C12orf56: variants seen among roughly 807,000 people sequenced by gnomAD.
C12orf56 encodes chromosome 12 open reading frame 56, also known as uncharacterized protein C12orf56.
In C12orf56, 71 loss-of-function variants were observed where a neutral mutation model predicts 69.9. The ratio of observed to expected loss-of-function variants is 1.02; its 90% confidence interval spans 0.84 to 1.24. The LOEUF is 1.24. Among genes scored for constraint, C12orf56 ranks in the 50% most tolerant of loss-of-function variants. C12orf56 has a pLI of 0.00. For synonymous variants in C12orf56, 276 were observed against 274.1 expected (o/e 1.01, Z -0.07); for missense variants, 732 against 738.5 (o/e 0.99, Z 0.10).
At chr12:64,267,370 A>G in intron 12 of C12orf56, 82 bp from the exon 13 acceptor site, 1 of 1,083,398 alleles carries the variant, frequency 9.2e-7, no homozygotes, top group Admixed American at 2.2e-5. Flanking sequence ...ATTCACACTC[A>G]CTGGCTAGGG....
In C12orf56 at chr12:64,276,993, TA is replaced by T. The variant is rs200351319; in HGVS notation, c.1434+686del. Among the ~76,000 whole-genome samples the T allele has an allele frequency of 1.4e-3, 98 of 69,220 alleles. 3 individuals are homozygous for T. Among genetic ancestry groups the T allele is most frequent in the African/African-American group, 4.7e-3 (81 of 17,392 alleles). The allele number at this position is 69,220 out of a possible 152,430, so 45.4% of individuals were successfully genotyped here. A position where few individuals can be genotyped will look rare whatever the true frequency, so the allele number is the denominator to read the frequency against. ...TGGGCAACAGAGTGAAACCCTTTCT[TA>T]AAAAAAAAAAAAAAAAAAAAAATTA... On this transcript the variant is annotated intron_variant, in intron 9 of 12. Transcript: ENST00000543942.
At chr12:64,319,443 T>C (rs1297308703) in intron 3 of C12orf56, among the ~76,000 whole-genome samples, 1 of 152,210 alleles carries the variant, frequency 6.6e-6, no homozygotes, top group African/African-American at 2.4e-5. Flanking sequence ...TCACCCAGGT[T>C]GGAGTACAGT....
At position 64,277,772 on chromosome 12, in the gene C12orf56, T is replaced by C. The variant is rs1441003565; in HGVS notation, c.1342A>G (p.Ile448Val). 6.2e-7 allele frequency: 1 copy of C among 1,602,794 alleles called. No homozygotes were observed. Residue 448 changes from isoleucine (I) to valine (V), a missense_variant, in exon 9 of 13, where the codon ATT becomes GTT. Physicochemically the swap from Ile to Val is conservative, Grantham distance 29. Coordinates refer to ENST00000543942, the MANE Select transcript of C12orf56 (RefSeq NM_001170633.2). ...GATTTTGGAATCTGAGGCTCACTAATTAAAATTACCAAGAGATTAAATAGT... is the reference window on the plus strand; with the variant it reads ...GATTTTGGAATCTGAGGCTCACTAACTAAAATTACCAAGAGATTAAATAGT... The part of the protein sequence containing the change: ...GALFNLLVIL[I>V]SEPQIPKSCP...
rs2037922443 is a variant in C12orf56 at position 64,266,657 on chromosome 12, C to G, written c.*526G>C. On this transcript the variant is annotated 3_prime_UTR_variant, in exon 13 of 13. Transcript: ENST00000543942. ...ATCGGGTGAAGAGCATGCTCCTGTG[C>G]CTGGCATGGTTTCACCGAGAACACT... 1.1e-6 allele frequency: 1 copy of G among 883,698 alleles called. No individual in the cohort carries two copies. Among genetic ancestry groups the G allele is most frequent in the Admixed American group, 3.4e-5 (1 of 29,288 alleles). The allele number at this position is 883,698 out of a possible 1,614,324, so 54.7% of individuals were successfully genotyped here. A position where few individuals can be genotyped will look rare whatever the true frequency, so the allele number is the denominator to read the frequency against.
At chr12:64,381,830 C>T (rs941070087) in intron 1 of C12orf56, among the ~76,000 whole-genome samples, 1 of 152,054 alleles carries the variant, frequency 6.6e-6, no homozygotes, top group African/African-American at 2.4e-5. Flanking sequence ...AAGTTAAAGA[C>T]TGAATCAAGG....
At chr12:64,312,064 T>C (rs1465568694) in intron 5 of C12orf56, among the ~76,000 whole-genome samples, 1 of 151,982 alleles carries the variant, frequency 6.6e-6, no homozygotes, top group Non-Finnish European at 1.5e-5. Flanking sequence ...GAGGCAAGGG[T>C]GATTTCTAGG....
chr12:64,368,437 C>T (rs2039527252), intron 1 of C12orf56, among the ~76,000 whole-genome samples: 1 of 151,980 alleles, frequency 6.6e-6, no homozygotes, highest in Non-Finnish European at 1.5e-5. Flanking sequence ...AGTTTCTTAT[C>T]AAAGGCCTGA....
intron 2 of C12orf56, chr12:64,338,676 T>C: frequency 6.4e-7 from 1 of 1,571,150 alleles, no homozygotes; most frequent in Non-Finnish European, 8.8e-7. Context: ...CCTTTCTCTA[T>C]GTTGAACTCT....
chr12:64,303,816 T>C (rs973381488), intron 5 of C12orf56, 37 bp from the exon 6 acceptor site: 5 of 1,544,296 alleles, frequency 3.2e-6, no homozygotes, highest in Non-Finnish European at 2.6e-6. Flanking sequence ...CTTAAAAAAA[T>C]GGTAAGACAT....
chr12:64,333,431 GA>G lies in C12orf56; in HGVS notation c.416-2400del, dbSNP rs997321286. Reference sequence around the variant, plus strand: ...TTTGTGCGAAGTCATTAAAAAGTTGGAAAAAAAAAAACAACTTTAGTGTTCA... The same window carrying G: ...TTTGTGCGAAGTCATTAAAAAGTTGGAAAAAAAAAACAACTTTAGTGTTCA... On this transcript the variant is annotated intron_variant, in intron 2 of 12. Coordinates refer to ENST00000543942, the MANE Select transcript of C12orf56 (RefSeq NM_001170633.2). Among the ~76,000 whole-genome samples, 153 of 143,576 alleles carry G rather than the reference GA, an allele frequency of 1.1e-3. 1 individual carries two copies. Among genetic ancestry groups the G allele is most frequent in the South Asian group, 9.7e-3 (43 of 4,442 alleles). The allele number at this position is 143,576 out of a possible 152,430, so 94.2% of individuals were successfully genotyped here.
At chr12:64,345,577 C>A (rs190411885) in intron 2 of C12orf56, among the ~76,000 whole-genome samples, 56 of 152,274 alleles carry the variant, frequency 3.7e-4, no homozygotes, top group Non-Finnish European at 6.2e-4. Context: ...TCTTCCATTG[C>A]AGGTCAGCGA....
At chr12:64,383,789 C>G (rs752561587) in intron 1 of C12orf56, among the ~76,000 whole-genome samples, 1 of 152,086 alleles carries the variant, frequency 6.6e-6, no homozygotes, top group South Asian at 2.1e-4. Flanking sequence ...GAGCTTTGTC[C>G]TTTGTTATAC....
In C12orf56 at chr12:64,351,870, G is replaced by GAAAA. The variant is rs34411804; in HGVS notation, c.415+1020_415+1023dup. On this transcript the variant is annotated intron_variant, in intron 2 of 12. Transcript: ENST00000543942. ...AACCAGAAACCCTGGGACTCCTTTG[G>GAAAA]AAAAAAAAAAAGCCACTTTCTTTCC... Among the ~76,000 whole-genome samples the GAAAA allele has an allele frequency of 4.0e-3, 595 of 147,234 alleles. 2 individuals are homozygous for GAAAA. Among genetic ancestry groups the GAAAA allele is most frequent in the Admixed American group, 5.3e-3 (79 of 14,880 alleles).
At chr12:64,378,318 C>T (rs1180560779) in intron 1 of C12orf56, among the ~76,000 whole-genome samples, 1 of 152,066 alleles carries the variant, frequency 6.6e-6, no homozygotes, top group African/African-American at 2.4e-5. Context: ...GCTTAAAAAC[C>T]GGTACATAAA....
At chr12:64,302,129 C>T (rs2038454138) in intron 6 of C12orf56, among the ~76,000 whole-genome samples, 1 of 152,148 alleles carries the variant, frequency 6.6e-6, no homozygotes, top group Admixed American at 6.5e-5. Context: ...TCCATTTCAT[C>T]TTCATAATCA....
Position 64,303,679 on chromosome 12 carries a change from C to G in C12orf56, c.1069G>C (p.Val357Leu). The G allele has an allele frequency of 6.4e-7, 1 of 1,573,310 alleles. No individual in the cohort carries two copies. ...AGAATGAAGTTTTTCTGGGCTGCTA[C>G]TTTAAGTTCCATAAGTAAAGAAAGT... is the stretch of plus-strand genomic sequence containing the variant. ...RILSLLMELKVAAQKNFILKR... is the reference protein window; with the variant it reads ...RILSLLMELKLAAQKNFILKR... Residue 357 changes from valine to leucine, a missense_variant, in exon 6 of 13, where the codon GTA becomes CTA. Coordinates refer to ENST00000543942, the MANE Select transcript of C12orf56 (RefSeq NM_001170633.2).
In C12orf56 at chr12:64,390,582, G is replaced by C. The variant is rs749378148; in HGVS notation, c.-17C>G. On this transcript the variant is annotated 5_prime_UTR_variant, in exon 1 of 13. Transcript: ENST00000543942. ...GCTGGCCATGCCCGGCGCCCGCAGC[G>C]TGGCGGAGTGCTGGGACTCGAGGCC... 2 of 1,541,236 alleles carry C rather than the reference G, an allele frequency of 1.3e-6. No homozygotes were observed. Among genetic ancestry groups the C allele is most frequent in the South Asian group, 1.2e-5 (1 of 84,330 alleles).
intron 1 of C12orf56, among the ~76,000 whole-genome samples, chr12:64,380,036 C>T (rs1450585381): frequency 3.1e-5 from 4 of 128,872 alleles, no homozygotes; most frequent in Non-Finnish European, 6.2e-5. Flanking sequence ...ACCCGGGAGG[C>T]GGAGCTTGCA....
chr12:64,279,347 C>T (rs948438813), intron 8 of C12orf56, among the ~76,000 whole-genome samples: 6 of 152,338 alleles, frequency 3.9e-5, no homozygotes, highest in East Asian at 3.9e-4. Flanking sequence ...GGGTTAATAA[C>T]GCTATCTCCT....
Sources: allele counts gnomAD v4.1 joint callset (sites outside exome capture counted in the v4.1 genomes callset), GRCh38; gene constraint gnomAD v4.1.1; transcripts MANE v1.5; gene names NCBI Gene and HGNC (gene_info 2026-07-23, HGNC 2026-07-21).